The following RBFOX1 variants were observed in gnomAD, a reference collection of about 807,000 sequenced individuals.
RBFOX1 encodes the protein RNA binding protein fox-1 homolog 1.
Under a neutral mutation model 57.7 loss-of-function variants are expected in RBFOX1, and 8 were observed. The observed-to-expected ratio is 0.14, with a 90% CI of 0.08 to 0.25. The LOEUF is 0.25. RBFOX1 is among the 10% of genes least tolerant of loss of function. The pLI is 1.00. For missense variants in RBFOX1, 611 were observed against 548.5 expected (o/e 1.11, Z -1.14); for synonymous variants, 326 against 222.4 (o/e 1.47, Z -4.15).
At chr16:7,047,392 T>G (rs1256911408) in intron 3 of RBFOX1, among the ~76,000 whole-genome samples, 1 of 152,190 alleles carries the variant, frequency 6.6e-6, no homozygotes, top group Non-Finnish European at 1.5e-5. Flanking sequence ...GATTTTTGTT[T>G]GTTTAGTTTG....
intron 3 of RBFOX1, among the ~76,000 whole-genome samples, chr16:5,773,254 C>G (rs2054038081): frequency 6.6e-6 from 1 of 152,142 alleles, no homozygotes; most frequent in African/African-American, 2.4e-5. Flanking sequence ...ATTTATAAAG[C>G]ATGTGAAGAA....
At chr16:6,564,901 G>C (rs1442564231) in intron 2 of RBFOX1, among the ~76,000 whole-genome samples, 1 of 152,112 alleles carries the variant, frequency 6.6e-6, no homozygotes, top group Non-Finnish European at 1.5e-5. Context: ...AGCACTTTGA[G>C]AGGCTAAGGT....
chr16:6,898,025 C>T (rs557048470), intron 3 of RBFOX1, among the ~76,000 whole-genome samples: 1 of 152,274 alleles, frequency 6.6e-6, no homozygotes, highest in East Asian at 1.9e-4. Flanking sequence ...GAGACCAGGT[C>T]AGGTTTTTCC....
intron 2 of RBFOX1, among the ~76,000 whole-genome samples, chr16:6,373,664 T>C (rs1241145750): frequency 2.0e-5 from 3 of 152,012 alleles, no homozygotes; most frequent in Non-Finnish European, 2.9e-5. Context: ...TGGGTAGATA[T>C]ACAGTTGGAT....
intron 2 of RBFOX1, among the ~76,000 whole-genome samples, chr16:5,554,978 T>G (rs2045614189): frequency 6.6e-6 from 1 of 152,142 alleles, no homozygotes; most frequent in Non-Finnish European, 1.5e-5. Flanking sequence ...ATGGTGTTAG[T>G]CATAGGAGTG....
chr16:5,470,204 C>T (rs1004785886), intron 2 of RBFOX1, among the ~76,000 whole-genome samples: 4 of 152,232 alleles, frequency 2.6e-5, no homozygotes, highest in Non-Finnish European at 5.9e-5. Context: ...ACCCACCATG[C>T]TGTCCTGCAT....
At chr16:6,749,049 G>A (rs1324826510) in intron 3 of RBFOX1, 3 of 152,146 alleles carry the variant, frequency 2.0e-5, no homozygotes, top group Admixed American at 6.5e-5. Context: ...GAGCCAATCT[G>A]GGTATTCATA....
intron 1 of RBFOX1, among the ~76,000 whole-genome samples, chr16:6,220,928 A>G (rs1339498962): frequency 6.6e-6 from 1 of 151,668 alleles, no homozygotes; most frequent in East Asian, 1.9e-4. Context: ...CTTAACCTTA[A>G]CTTGTAATGG....
intron 2 of RBFOX1, among the ~76,000 whole-genome samples, chr16:6,519,882 C>G (rs958507374): frequency 6.6e-6 from 1 of 152,190 alleles, no homozygotes; most frequent in Non-Finnish European, 1.5e-5. Flanking sequence ...ACTAAGGCAA[C>G]TGATATATAC....
At chr16:7,006,630 T>A (rs2093317983) in intron 3 of RBFOX1, among the ~76,000 whole-genome samples, 1 of 152,094 alleles carries the variant, frequency 6.6e-6, no homozygotes, top group Non-Finnish European at 1.5e-5. Context: ...TCGGGTTTTA[T>A]AGAGACAAGG....
intron 3 of RBFOX1, among the ~76,000 whole-genome samples, chr16:5,612,169 A>G (rs896013780): frequency 3.5e-5 from 5 of 143,364 alleles, no homozygotes; most frequent in Admixed American, 6.9e-5. Context: ...CCACCTACCC[A>G]CCCATTCTCC....
intron 5 of RBFOX1, among the ~76,000 whole-genome samples, chr16:7,576,557 C>T (rs17144144): frequency 3.3e-5 from 5 of 151,804 alleles, no homozygotes; most frequent in African/African-American, 9.7e-5. Flanking sequence ...ACAGTTTATA[C>T]GCATTTGTAT....
chr16:7,099,739 T>C (rs2151321950), intron 4 of RBFOX1, among the ~76,000 whole-genome samples: 1 of 152,270 alleles, frequency 6.6e-6, no homozygotes, highest in African/African-American at 2.4e-5. Flanking sequence ...AGGAAGGTGT[T>C]TCCAGGTCAT....
chr16:6,788,850 A>G (rs2082421560), intron 3 of RBFOX1, among the ~76,000 whole-genome samples: 1 of 152,148 alleles, frequency 6.6e-6, no homozygotes, highest in Non-Finnish European at 1.5e-5. Flanking sequence ...CTAAAATGGC[A>G]TCGCCTCACT....
At chr16:6,740,330 T>C (rs1361313699) in intron 3 of RBFOX1, among the ~76,000 whole-genome samples, 1 of 152,192 alleles carries the variant, frequency 6.6e-6, no homozygotes, top group Admixed American at 6.5e-5. Flanking sequence ...AATGAATGAT[T>C]TCCCCTTAAA....
chr16:5,491,986 T>C (rs1318948163), intron 2 of RBFOX1, among the ~76,000 whole-genome samples: 1 of 152,150 alleles, frequency 6.6e-6, no homozygotes, highest in East Asian at 1.9e-4. Context: ...GTGAGTCTAG[T>C]GTGTGGCCAG....
chr16:7,493,802 G>T (rs1048568891), intron 4 of RBFOX1, among the ~76,000 whole-genome samples: 1 of 152,180 alleles, frequency 6.6e-6, no homozygotes, highest in African/African-American at 2.4e-5. Flanking sequence ...TGTTTGCATT[G>T]TGTGAAGCCA....
At chr16:7,186,567 T>A (rs1300888194) in intron 4 of RBFOX1, among the ~76,000 whole-genome samples, 1 of 116,898 alleles carries the variant, frequency 8.6e-6, no homozygotes, top group Non-Finnish European at 1.7e-5. Context: ...AGCTTAAACA[T>A]ATTTATATAA....
At chr16:7,022,127 A>T (rs541481249) in intron 3 of RBFOX1, among the ~76,000 whole-genome samples, 1 of 143,058 alleles carries the variant, frequency 7.0e-6, no homozygotes, top group South Asian at 2.4e-4. Context: ...TGGTGGAGCA[A>T]TCTCCACTCA....
Sources: allele counts gnomAD v4.1 joint callset (sites outside exome capture counted in the v4.1 genomes callset), GRCh38; gene constraint gnomAD v4.1.1; transcripts MANE v1.5; gene names NCBI Gene and HGNC (gene_info 2026-07-23, HGNC 2026-07-21).